The following SLC44A5 variants were observed in gnomAD, a reference collection of about 807,000 sequenced individuals.
The protein encoded by SLC44A5 is choline transporter-like protein 5.
Under a neutral mutation model 101.8 loss-of-function variants are expected in SLC44A5, and 57 were observed. The observed-to-expected ratio is 0.56, with a 90% CI of 0.45 to 0.70. The LOEUF (loss-of-function observed/expected upper bound fraction) is 0.70, where lower values mean the gene tolerates loss of function less well. Ranked by LOEUF, SLC44A5 falls within the 30% of genes least tolerant of loss-of-function variation. The pLI is 0.00. For synonymous variants in SLC44A5, 281 were observed against 290.9 expected (o/e 0.97, Z 0.35); for missense variants, 737 against 853.1 (o/e 0.86, Z 1.70).
At chr1:75,652,725 A>G in the SLC44A5 span, among the ~76,000 whole-genome samples, 3 of 152,264 alleles carry the variant, frequency 2.0e-5, no homozygotes, top group African/African-American at 7.2e-5. Context: ...GCCCAGGAGT[A>G]TGAGGTTGCA....
chr1:75,555,966 A>G (rs185975274), intron 1 of SLC44A5, among the ~76,000 whole-genome samples: 1 of 152,210 alleles, frequency 6.6e-6, no homozygotes, highest in African/African-American at 2.4e-5. Flanking sequence ...ACCTTCCCCC[A>G]AAAAAGTACA....
the SLC44A5 span, among the ~76,000 whole-genome samples, chr1:75,663,891 T>C: frequency 3.9e-5 from 6 of 152,068 alleles, no homozygotes; most frequent in African/African-American, 1.4e-4. Flanking sequence ...CTGATGAACA[T>C]AGATCCAAAA....
At chr1:75,208,509 C>G (rs1646792279) in intron 23 of SLC44A5, among the ~76,000 whole-genome samples, 1 of 152,186 alleles carries the variant, frequency 6.6e-6, no homozygotes, top group Non-Finnish European at 1.5e-5. Context: ...GAATTTTAAG[C>G]TAGTTTTGTT....
At chr1:75,308,583 C>T (rs1165451748) in intron 4 of SLC44A5, among the ~76,000 whole-genome samples, 1 of 152,168 alleles carries the variant, frequency 6.6e-6, no homozygotes, top group Non-Finnish European at 1.5e-5. Context: ...AGCGAGATCA[C>T]AGTTACTGCT....
intron 21 of SLC44A5, 24 bp downstream of exon 21, chr1:75,213,890 TTTTTA>T: frequency 6.5e-7 from 1 of 1,545,120 alleles, no homozygotes; most frequent in African/African-American, 1.4e-5. Flanking sequence ...TAAACTTTTT[TTTTTA>T]TTATTTTCAT....
chr1:75,599,606 T>C (rs372862568), intron 1 of SLC44A5, among the ~76,000 whole-genome samples: 1 of 152,108 alleles, frequency 6.6e-6, no homozygotes, highest in African/African-American at 2.4e-5. Context: ...AGTGCTTAAT[T>C]TGAAGGTGGT....
chr1:75,657,575 A>G, the SLC44A5 span, among the ~76,000 whole-genome samples: 1 of 151,848 alleles, frequency 6.6e-6, no homozygotes, highest in Non-Finnish European at 1.5e-5. Context: ...TGATGGGTTT[A>G]AAAGGATATT....
At chr1:75,647,598 G>A in the SLC44A5 span, among the ~76,000 whole-genome samples, 1 of 152,332 alleles carries the variant, frequency 6.6e-6, no homozygotes, top group Non-Finnish European at 1.5e-5. Flanking sequence ...GCTGTACCAT[G>A]CAAAGCCACA....
intron 1 of SLC44A5, among the ~76,000 whole-genome samples, chr1:75,583,298 C>T (rs1177579976): frequency 6.6e-6 from 1 of 152,306 alleles, no homozygotes; most frequent in African/African-American, 2.4e-5. Flanking sequence ...ATCAGATGCC[C>T]TCTGTCATAG....
chr1:75,545,920 C>T (rs573670383), intron 1 of SLC44A5, among the ~76,000 whole-genome samples: 79 of 151,668 alleles, frequency 5.2e-4, no homozygotes, highest in African/African-American at 1.9e-3. Flanking sequence ...TCAACCTCCT[C>T]GGCTCAAGTG....
At chr1:75,400,969 T>C (rs1294297528) in intron 2 of SLC44A5, among the ~76,000 whole-genome samples, 2 of 152,208 alleles carry the variant, frequency 1.3e-5, no homozygotes, top group East Asian at 3.9e-4. Flanking sequence ...ATGCCTATTA[T>C]ACTGCAATAG....
At chr1:75,376,130 G>C (rs901007419) in intron 3 of SLC44A5, among the ~76,000 whole-genome samples, 1 of 152,222 alleles carries the variant, frequency 6.6e-6, no homozygotes, top group Non-Finnish European at 1.5e-5. Flanking sequence ...TTTTCCGACC[G>C]GCTTAAAAAA....
chr1:75,356,701 C>T (rs569390896), intron 3 of SLC44A5, among the ~76,000 whole-genome samples: 1 of 152,156 alleles, frequency 6.6e-6, no homozygotes, highest in Non-Finnish European at 1.5e-5. Flanking sequence ...CACTCACTGA[C>T]TCACTCAAAG....
chr1:75,555,655 T>G lies in SLC44A5; in HGVS notation c.-69-14139A>C, dbSNP rs567339094. On this transcript the variant is annotated intron_variant, in intron 1 of 23. Transcript: ENST00000370859. The stretch of plus-strand genomic sequence containing the variant: ...CACAATTCCAATTTGTGTCTCTTAT[T>G]TATAATAAGACACAATACCAATTTG... 4.0e-5 allele frequency among the ~76,000 whole-genome samples: 6 copies of G among 150,572 alleles called. No homozygotes were observed. The South Asian group carries it at 1.3e-3, about 32-fold the overall frequency.
At chr1:75,689,319 C>T in the SLC44A5 span, among the ~76,000 whole-genome samples, 3 of 149,622 alleles carry the variant, frequency 2.0e-5, no homozygotes, top group Non-Finnish European at 3.0e-5. Context: ...TTTCTCCATC[C>T]AAGGCCCAGA....
At chr1:75,359,062 T>G (rs1570767738) in intron 3 of SLC44A5, among the ~76,000 whole-genome samples, 1 of 152,086 alleles carries the variant, frequency 6.6e-6, no homozygotes, top group East Asian at 1.9e-4. Context: ...CATTTTGAGA[T>G]TGCCCATGTA....
rs1371189901 is a variant in SLC44A5, at chr1:75,270,515, A to G, written c.260+4443T>C. Among the ~76,000 whole-genome samples the G allele has an allele frequency of 2.6e-5, 4 of 152,154 alleles. No individual in the cohort carries two copies. The East Asian group carries it at 7.7e-4, about 29-fold the overall frequency. On this transcript the variant is annotated intron_variant, in intron 6 of 23. Transcript: ENST00000370859. ...TGATTTCCACTTCAGTCTATATACA[A>G]AAATAAATTTCTAGGGAATTAGAAA...
At chr1:75,641,327 C>A in the SLC44A5 span, 2 of 693,496 alleles carry the variant, frequency 2.9e-6, no homozygotes, top group East Asian at 2.6e-5. Context: ...GTTGGTGGTG[C>A]AAAACATGAG....
chr1:75,566,535 C>A (rs753120107), intron 1 of SLC44A5, among the ~76,000 whole-genome samples: 1 of 152,192 alleles, frequency 6.6e-6, no homozygotes, highest in South Asian at 2.1e-4. Context: ...TTATCTCTAA[C>A]AACTTTGTGT....
Sources: allele counts gnomAD v4.1 joint callset (sites outside exome capture counted in the v4.1 genomes callset), GRCh38; gene constraint gnomAD v4.1.1; transcripts MANE v1.5; gene names NCBI Gene and HGNC (gene_info 2026-07-23, HGNC 2026-07-21).